Variants in SPECC1 observed in about 807,000 individuals in gnomAD.
SPECC1 encodes sperm antigen with calponin homology and coiled-coil domains 1.
Under a neutral mutation model 104.1 loss-of-function variants are expected in SPECC1, and 62 were observed. The ratio of observed to expected loss-of-function variants is 0.60; its 90% CI spans 0.49 to 0.74. The LOEUF (loss-of-function observed/expected upper bound fraction) is 0.74, where lower values mean the gene tolerates loss of function less well. SPECC1 is among the 30% of genes least tolerant of loss of function. The probability of loss-of-function intolerance (pLI) is 0.00; values close to 1 mark genes in which losing one functional copy is unlikely to be tolerated. For synonymous variants in SPECC1, 513 were observed against 501.6 expected (o/e 1.02, Z -0.30); for missense variants, 1,306 against 1,310.5 (o/e 1.00, Z 0.05).
At chr17:20,201,790 A>G (rs180938377) in intron 3 of SPECC1, among the ~76,000 whole-genome samples, 3 of 152,342 alleles carry the variant, frequency 2.0e-5, no homozygotes, top group African/African-American at 7.2e-5. Flanking sequence ...TGTGACACCT[A>G]TAAGTAAGGC....
chr17:20,174,690 T>C (rs2034339561), intron 3 of SPECC1, among the ~76,000 whole-genome samples: 1 of 152,106 alleles, frequency 6.6e-6, no homozygotes, highest in Non-Finnish European at 1.5e-5. Context: ...ATTTCCTTTA[T>C]ACATCTCAAA....
At chr17:20,219,778 C>CA (rs1567954382) in intron 4 of SPECC1, among the ~76,000 whole-genome samples, 1 of 152,040 alleles carries the variant, frequency 6.6e-6, no homozygotes, top group Non-Finnish European at 1.5e-5. Flanking sequence ...AGAGTTTCCC[C>CA]AATGTTGTTG....
At chr17:20,020,522 T>C (rs2152432922) in intron 1 of SPECC1, among the ~76,000 whole-genome samples, 1 of 152,192 alleles carries the variant, frequency 6.6e-6, no homozygotes, top group African/African-American at 2.4e-5. Context: ...TTTGTAGAGA[T>C]GGGCTTTCAC....
intron 3 of SPECC1, among the ~76,000 whole-genome samples, chr17:20,149,647 T>A (rs2031802589): frequency 6.6e-6 from 1 of 152,192 alleles, no homozygotes; most frequent in African/African-American, 2.4e-5. Context: ...TTTCTTTGTA[T>A]CCTTTTGCTG....
At chr17:20,215,477 A>G (rs2037428582) in intron 4 of SPECC1, among the ~76,000 whole-genome samples, 1 of 152,150 alleles carries the variant, frequency 6.6e-6, no homozygotes, top group Non-Finnish European at 1.5e-5. Context: ...TTTCTTCTCC[A>G]CTTGTTCTGT....
At chr17:20,237,134 G>A in intron 7 of SPECC1, 1 of 1,379,458 alleles carries the variant, frequency 7.2e-7, no homozygotes, top group Non-Finnish European at 9.4e-7. Flanking sequence ...AGAAGATTGA[G>A]CTGTCTTTTA....
intron 3 of SPECC1, among the ~76,000 whole-genome samples, chr17:20,165,911 G>GT (rs2033608851): frequency 6.6e-6 from 1 of 151,156 alleles, no homozygotes; most frequent in South Asian, 2.1e-4. Flanking sequence ...TTGTAAATTT[G>GT]TTTAAGTTCC....
chr17:20,018,151 AG>A (rs1261470318), intron 1 of SPECC1: 4 of 152,168 alleles, frequency 2.6e-5, no homozygotes, highest in Non-Finnish European at 4.4e-5. Context: ...TGCTGTTACA[AG>A]TCTGTTCCTG....
intron 1 of SPECC1, among the ~76,000 whole-genome samples, chr17:20,091,965 G>A (rs1047483021): frequency 8.5e-5 from 13 of 152,298 alleles, no homozygotes; most frequent in South Asian, 4.2e-4. Flanking sequence ...GCGGAACAGC[G>A]TGTTTTCAGG....
intron 1 of SPECC1, among the ~76,000 whole-genome samples, chr17:20,061,693 A>G (rs1364076337): frequency 1.3e-5 from 2 of 152,192 alleles, no homozygotes; most frequent in African/African-American, 2.4e-5. Context: ...CTCCTTACCA[A>G]TCACATAAAT....
chr17:20,294,270 C>T (rs2041268020), intron 12 of SPECC1, among the ~76,000 whole-genome samples: 1 of 152,214 alleles, frequency 6.6e-6, no homozygotes, highest in South Asian at 2.1e-4. Context: ...GCGTGAGCCA[C>T]CATGCCCAGC....
intron 1 of SPECC1, among the ~76,000 whole-genome samples, chr17:20,047,971 G>A (rs1382610497): frequency 6.6e-6 from 1 of 151,968 alleles, no homozygotes; most frequent in African/African-American, 2.4e-5. Context: ...TTCACGTAAT[G>A]TTCATCAGAT....
In SPECC1 at chr17:20,204,877, A is replaced by G. The variant is rs758696631; in HGVS notation, c.828A>G (p.Pro276=). Residue 276 remains proline, a synonymous_variant, in exon 4 of 15, where the codon CCA becomes CCG. Transcript: ENST00000395527. ...AASHTGDSSC[P]TSITQESSFG... is the part of the protein sequence containing the mutation. ...GTCACACTGGCGACAGCAGCTGCCC[A>G]ACATCCATAACTCAAGAGTCAAGCT... is the stretch of plus-strand genomic sequence containing the variant. 1 of 1,614,058 alleles carries G rather than the reference A, an allele frequency of 6.2e-7. No homozygotes were observed. Among genetic ancestry groups the G allele is most frequent in the South Asian group, 1.1e-5 (1 of 91,074 alleles).
chr17:20,083,365 T>G (rs112837303), intron 1 of SPECC1, among the ~76,000 whole-genome samples: 3,831 of 152,308 alleles, frequency 0.025, 165 homozygotes, highest in African/African-American at 0.086. Flanking sequence ...GCTTGGAATT[T>G]AGAGCAACAC....
chr17:20,020,088 A>G (rs2044313922), intron 1 of SPECC1, among the ~76,000 whole-genome samples: 1 of 152,222 alleles, frequency 6.6e-6, no homozygotes, highest in South Asian at 2.1e-4. Flanking sequence ...CATTCTAGTC[A>G]CTGCTTCACA....
At chr17:20,017,201 G>C (rs1473596393) in intron 1 of SPECC1, 2 of 152,260 alleles carry the variant, frequency 1.3e-5, no homozygotes, top group African/African-American at 4.8e-5. Flanking sequence ...TTGATGTTTG[G>C]AATGCGTTCT....
chr17:20,067,469 T>A (rs1383416177), intron 1 of SPECC1: 1 of 152,126 alleles, frequency 6.6e-6, no homozygotes, highest in Non-Finnish European at 1.5e-5. Context: ...ATAGATTTTT[T>A]TTTCAGTCTT....
chr17:20,222,644 T>C (rs913261173), intron 4 of SPECC1, among the ~76,000 whole-genome samples: 3 of 152,238 alleles, frequency 2.0e-5, no homozygotes, highest in Non-Finnish European at 4.4e-5. Flanking sequence ...AAGATACGAG[T>C]AGTTGACACA....
chr17:20,170,380 C>T (rs925008111), intron 3 of SPECC1, among the ~76,000 whole-genome samples: 3 of 152,140 alleles, frequency 2.0e-5, no homozygotes, highest in Admixed American at 6.5e-5. Flanking sequence ...TATTTCAAAA[C>T]GAATGTGGTT....
Sources: gnomAD v4.1 joint callset for allele counts (sites outside exome capture counted in the v4.1 genomes callset) on GRCh38, gnomAD v4.1.1 for gene constraint, MANE v1.5 for transcripts, NCBI Gene and HGNC (gene_info 2026-07-23, HGNC 2026-07-21) for gene names.